NEBL: variants seen among roughly 807,000 people sequenced by gnomAD.
NEBL encodes the protein LIM and SH3 protein 2.
In NEBL, 122 loss-of-function variants were observed where a neutral mutation model predicts 140.2. That is an observed-to-expected ratio of 0.87 (90% CI 0.75 to 1.01). NEBL has a LOEUF of 1.01. NEBL is among the 50% of genes least tolerant of loss of function. The probability of loss-of-function intolerance (pLI) is 0.00; values close to 1 mark genes in which losing one functional copy is unlikely to be tolerated. For synonymous variants in NEBL, 436 were observed against 398.9 expected, an observed-to-expected ratio of 1.09 and a Z score of -1.11; for missense variants, 1,365 against 1,231.3, an observed-to-expected ratio of 1.11 and a Z score of -1.62.
chr10:21,077,802 G>A (rs1836170631), intron 2 of NEBL, among the ~76,000 whole-genome samples: 1 of 151,970 alleles, frequency 6.6e-6, no homozygotes, highest in African/African-American at 2.4e-5. Flanking sequence ...TAGGAAGTGG[G>A]AGGAAATCTC....
intron 1 of NEBL, among the ~76,000 whole-genome samples, chr10:21,262,063 A>G (rs552272825): frequency 3.9e-5 from 6 of 152,332 alleles, no homozygotes; most frequent in Admixed American, 1.3e-4. Context: ...GCCGACAAAA[A>G]AGAGAAGGGT....
chr10:21,160,629 G>A (rs1212841215), intron 2 of NEBL, among the ~76,000 whole-genome samples: 3 of 148,366 alleles, frequency 2.0e-5, no homozygotes, highest in Non-Finnish European at 3.0e-5. Flanking sequence ...AAAGAGAAAC[G>A]GAGAGATAGT....
At chr10:21,160,616 G>C (rs1294246720) in intron 2 of NEBL, among the ~76,000 whole-genome samples, 2 of 131,934 alleles carry the variant, frequency 1.5e-5, no homozygotes, top group African/African-American at 5.5e-5. Context: ...TTCAAATAGA[G>C]AGAAAGAGAA....
intron 2 of NEBL, chr10:21,110,759 C>A (rs1008824669): frequency 1.6e-5 from 8 of 513,400 alleles, no homozygotes; most frequent in African/African-American, 1.3e-4. Flanking sequence ...AAAGTGGATA[C>A]TGATGAAAAT....
chr10:20,790,448 A>G (rs2131634005), intron 26 of NEBL, among the ~76,000 whole-genome samples: 1 of 151,984 alleles, frequency 6.6e-6, no homozygotes, highest in East Asian at 1.9e-4. Context: ...TAAAAATACA[A>G]AAAATTAGCT....
intron 2 of NEBL, among the ~76,000 whole-genome samples, chr10:21,026,839 C>T (rs1833520240): frequency 6.6e-6 from 1 of 152,160 alleles, no homozygotes; most frequent in Non-Finnish European, 1.5e-5. Flanking sequence ...TCATTAACCA[C>T]CAAGAGTGGT....
chr10:21,226,799 G>T (rs989179623), intron 3 of NEBL, among the ~76,000 whole-genome samples: 2 of 152,160 alleles, frequency 1.3e-5, no homozygotes, highest in Non-Finnish European at 1.5e-5. Flanking sequence ...ACCCTCTTCA[G>T]TGCCTGTTTT....
chr10:21,244,470 G>T (rs1842489904), intron 3 of NEBL, among the ~76,000 whole-genome samples: 1 of 151,676 alleles, frequency 6.6e-6, no homozygotes. Context: ...TGGCTAACAT[G>T]GTGAAACCCC....
chr10:21,162,322 T>C (rs1840590346), intron 2 of NEBL, among the ~76,000 whole-genome samples: 1 of 151,536 alleles, frequency 6.6e-6, no homozygotes, highest in Non-Finnish European at 1.5e-5. Flanking sequence ...TCCTGAGCCC[T>C]GTGAATTGTT....
At chr10:21,212,493 A>G (rs1015738693) in intron 3 of NEBL, among the ~76,000 whole-genome samples, 4 of 152,216 alleles carry the variant, frequency 2.6e-5, no homozygotes, top group African/African-American at 9.6e-5. Flanking sequence ...AAAAGATGGA[A>G]GGAATAAACC....
intron 3 of NEBL, among the ~76,000 whole-genome samples, chr10:21,190,523 C>A (rs1242980339): frequency 6.6e-6 from 1 of 152,070 alleles, no homozygotes; most frequent in Non-Finnish European, 1.5e-5. Flanking sequence ...GGATCTGGTA[C>A]ATCTCTGAGT....
chr10:20,819,020 T>A, intron 20 of NEBL: 1 of 1,002,036 alleles, frequency 1.0e-6, no homozygotes, highest in Non-Finnish European at 1.2e-6. Flanking sequence ...TTTCATGTTA[T>A]AATGATATGA....
intron 3 of NEBL, among the ~76,000 whole-genome samples, chr10:21,240,002 C>G (rs1041289300): frequency 6.7e-6 from 1 of 149,596 alleles, no homozygotes; most frequent in Admixed American, 6.7e-5. Context: ...GGTGACAGAG[C>G]GAGACTCTGC....
chr10:21,141,184 TC>T (rs1839615973), intron 2 of NEBL, among the ~76,000 whole-genome samples: 1 of 152,224 alleles, frequency 6.6e-6, no homozygotes, highest in Non-Finnish European at 1.5e-5. Flanking sequence ...TCTTGGATTT[TC>T]TTTTGCTAAA....
In NEBL at chr10:20,923,666, CAAAAAAAAAAAAAAAA is replaced by C. The variant is rs71390799; in HGVS notation, c.357+37990_357+38005del. On this transcript the variant is annotated intron_variant, in intron 4 of 6. Transcript: ENST00000417816. ...TGCACTCCAGAGCAAGACTCCGTCT[CAAAAAAAAAAAAAAAA>C]AAAAAAAAAAAAAAGAAATGGTTTC... Among the ~76,000 whole-genome samples the C allele has an allele frequency of 9.9e-3, 280 of 28,376 alleles. 3 individuals are homozygous for C. The highest frequency in any genetic ancestry group is 0.015 in the Non-Finnish European group (237 of 15,828). The allele number at this position is 28,376 out of a possible 152,430, so 18.6% of individuals were successfully genotyped here.
intron 2 of NEBL, among the ~76,000 whole-genome samples, chr10:21,129,246 G>A (rs1163755899): frequency 6.6e-6 from 1 of 151,736 alleles, no homozygotes; most frequent in Non-Finnish European, 1.5e-5. Context: ...GTAAGTAGAG[G>A]TAAAATTAAA....
intron 2 of NEBL, among the ~76,000 whole-genome samples, chr10:21,053,610 C>G (rs558870609): frequency 6.6e-6 from 1 of 152,128 alleles, no homozygotes; most frequent in African/African-American, 2.4e-5. Flanking sequence ...CCAATGTTCC[C>G]TTATTATAAT....
intron 12 of NEBL, among the ~76,000 whole-genome samples, chr10:20,843,212 AG>A (rs2130990197): frequency 6.6e-6 from 1 of 152,154 alleles, no homozygotes; most frequent in East Asian, 1.9e-4. Context: ...CACAGTACAA[AG>A]GTGTCTGCAA....
At chr10:21,195,006 G>A (rs1841626954) in intron 3 of NEBL, among the ~76,000 whole-genome samples, 1 of 152,144 alleles carries the variant, frequency 6.6e-6, no homozygotes, top group Non-Finnish European at 1.5e-5. Context: ...ACTGGATAGA[G>A]AGAACTTGAA....
Sources: gnomAD v4.1 joint callset for allele counts (sites outside exome capture counted in the v4.1 genomes callset) on GRCh38, gnomAD v4.1.1 for gene constraint, MANE v1.5 for transcripts, NCBI Gene and HGNC (gene_info 2026-07-23, HGNC 2026-07-21) for gene names.